Variants in CUX1 observed in about 807,000 individuals in gnomAD.
CUX1 encodes cut like homeobox 1.
A neutral mutation model predicts 158.8 loss-of-function variants in CUX1; 31 were observed. The observed-to-expected ratio is 0.20, with a 90% CI of 0.15 to 0.26. The LOEUF (loss-of-function observed/expected upper bound fraction) is 0.26, where lower values mean the gene tolerates loss of function less well. CUX1 is among the 10% of genes least tolerant of loss of function. CUX1 has a pLI of 1.00. For missense variants in CUX1, 1,589 were observed against 2,014.6 expected (o/e 0.79, Z 4.04); for synonymous variants, 879 against 862.1 (o/e 1.02, Z -0.34).
chr7:101,936,020 G>T (rs1206437537), intron 2 of CUX1, among the ~76,000 whole-genome samples: 1 of 152,204 alleles, frequency 6.6e-6, no homozygotes, highest in Non-Finnish European at 1.5e-5. Context: ...ACGATCTGTT[G>T]TGGACCAGCT....
chr7:102,249,121 C>T lies in CUX1; in HGVS notation c.*79C>T, dbSNP rs1325806350. ...GGTCGGACGGGGCAGGCGCTGCGGA[C>T]ACCGTGGCCTGGGCTTGGCCCGCGG... On this transcript the variant is annotated 3_prime_UTR_variant, in exon 24 of 24. Transcript: ENST00000292535. 3.4e-6 allele frequency: 4 copies of T among 1,178,882 alleles called. No homozygotes were observed. Among genetic ancestry groups the T allele is most frequent in the Non-Finnish European group, 4.2e-6 (4 of 952,592 alleles). 73.0% of individuals were successfully genotyped at this position (1,178,882 alleles called of 1,614,324 possible). A position where few individuals can be genotyped will look rare whatever the true frequency, so the allele number is the denominator to read the frequency against.
intron 7 of CUX1, among the ~76,000 whole-genome samples, chr7:102,114,187 T>C (rs1554491137): frequency 1.3e-5 from 2 of 152,216 alleles, no homozygotes; most frequent in Admixed American, 1.3e-4. Context: ...TTTATGGGGG[T>C]AGAAAATAAA....
At chr7:101,989,108 C>T (rs927098954) in intron 2 of CUX1, among the ~76,000 whole-genome samples, 1 of 152,192 alleles carries the variant, frequency 6.6e-6, no homozygotes, top group Non-Finnish European at 1.5e-5. Context: ...CAAGGCTCGG[C>T]TCAGGGGCCT....
intron 3 of CUX1, among the ~76,000 whole-genome samples, chr7:102,031,927 CT>C (rs140940307): frequency 2.5e-3 from 363 of 143,200 alleles, no homozygotes; most frequent in African/African-American, 5.6e-3. Context: ...ATAATTTGTA[CT>C]TTTTTTTTTT....
chr7:102,272,406 CT>C (rs1791283386), intron 14 of CUX1, among the ~76,000 whole-genome samples: 1 of 152,264 alleles, frequency 6.6e-6, no homozygotes, highest in Non-Finnish European at 1.5e-5. Flanking sequence ...ACAGTGCCCC[CT>C]GGCGGCTGTG....
chr7:102,174,856 A>G (rs945418201), intron 10 of CUX1, among the ~76,000 whole-genome samples: 1 of 152,224 alleles, frequency 6.6e-6, no homozygotes, highest in Non-Finnish European at 1.5e-5. Flanking sequence ...AGGCTGAGAC[A>G]GGAGAATCGC....
intron 2 of CUX1, among the ~76,000 whole-genome samples, chr7:101,972,976 G>A (rs2129196960): frequency 6.6e-6 from 1 of 152,300 alleles, no homozygotes; most frequent in South Asian, 2.1e-4. Flanking sequence ...ACTGACCAGT[G>A]CAGCCAGCCA....
chr7:102,099,474 G>GGT lies in CUX1; in HGVS notation c.406+1974_406+1975dup, dbSNP rs782562878. On this transcript the variant is annotated intron_variant, in intron 5 of 23. Coordinates refer to ENST00000292535, the MANE Select transcript of CUX1 (RefSeq NM_181552.4). Reference sequence around the variant, plus strand: ...ACGCTACCCTAAAGGGGAGTATCCTGGTTTTTTTTTTTTTTCCCCTTCATT... The same window carrying GGT: ...ACGCTACCCTAAAGGGGAGTATCCTGGTGTTTTTTTTTTTTTTCCCCTTCATT... Among the ~76,000 whole-genome samples the GGT allele has an allele frequency of 3.7e-3, 366 of 98,810 alleles. 2 individuals are homozygous for GGT. Among genetic ancestry groups the GGT allele is most frequent in the Non-Finnish European group, 6.8e-3 (321 of 47,168 alleles). 64.8% of individuals were successfully genotyped at this position (98,810 alleles called of 152,430 possible). A position where few individuals can be genotyped will look rare whatever the true frequency, so the allele number is the denominator to read the frequency against.
intron 2 of CUX1, among the ~76,000 whole-genome samples, chr7:101,953,614 G>A (rs1809376863): frequency 6.6e-6 from 1 of 152,184 alleles, no homozygotes; most frequent in Admixed American, 6.5e-5. Flanking sequence ...GAGTAATGAT[G>A]TCTTAAGCTG....
At chr7:101,827,396 C>T (rs1237906160) in intron 1 of CUX1, among the ~76,000 whole-genome samples, 7 of 152,224 alleles carry the variant, frequency 4.6e-5, no homozygotes, top group African/African-American at 1.7e-4. Flanking sequence ...GCCTGGACAT[C>T]CGGGGCTCAA....
intron 8 of CUX1, among the ~76,000 whole-genome samples, chr7:102,147,866 G>A (rs1362490055): frequency 6.6e-6 from 1 of 152,236 alleles, no homozygotes; most frequent in Admixed American, 6.5e-5. Context: ...GGGCATGGTG[G>A]CGCATGCCTG....
chr7:101,877,359 C>T (rs1163016223), intron 1 of CUX1, among the ~76,000 whole-genome samples: 1 of 152,144 alleles, frequency 6.6e-6, no homozygotes, highest in Admixed American at 6.5e-5. Context: ...TCTAGCATGC[C>T]ATGCACACTC....
intron 20 of CUX1, among the ~76,000 whole-genome samples, chr7:102,206,443 A>G (rs1431431439): frequency 1.3e-5 from 2 of 152,208 alleles, no homozygotes; most frequent in Admixed American, 6.5e-5. Context: ...AATAATGGAC[A>G]TAGCTGTTTG....
rs368212822 is a variant in CUX1 at position 102,035,421 on chromosome 7, TATG to T, written c.189+7280_189+7282del. Among the ~76,000 whole-genome samples, 13 of 152,244 alleles carry T rather than the reference TATG, an allele frequency of 8.5e-5. No individual in the cohort carries two copies. In the East Asian group the frequency reaches 2.1e-3, roughly 25 times the overall value. On this transcript the variant is annotated intron_variant, in intron 3 of 23. Coordinates refer to ENST00000292535, the MANE Select transcript of CUX1 (RefSeq NM_181552.4). ...ATATTTAAAGTAGGCTAAGCTAAGC[TATG>T]ATGTTTGCCAGGTTAGTTTATTAAA...
At chr7:102,230,567 G>A (rs1798852135) in intron 21 of CUX1, among the ~76,000 whole-genome samples, 1 of 151,904 alleles carries the variant, frequency 6.6e-6, no homozygotes, top group Non-Finnish European at 1.5e-5. Context: ...CAGCCTGGAG[G>A]TTAGGCCAGC....
upstream of CUX1, chr7:101,817,519 A>T: frequency 1.7e-6 from 2 of 1,177,190 alleles, no homozygotes; most frequent in Non-Finnish European, 2.1e-6. This position sits in a 1 kb window ranked among gnomAD's most constrained non-coding sequence, Gnocchi z 4.1. Flanking sequence ...CGCCGTGCCC[A>T]AGGGGCGAGT....
chr7:102,145,763 A>C (rs1227887241), intron 8 of CUX1, among the ~76,000 whole-genome samples: 2 of 152,070 alleles, frequency 1.3e-5, no homozygotes, highest in Non-Finnish European at 2.9e-5. Flanking sequence ...CCTGACCAAC[A>C]TGGTGAAACC....
chr7:102,026,195 G>T (rs562094411), intron 2 of CUX1, among the ~76,000 whole-genome samples: 1 of 152,114 alleles, frequency 6.6e-6, no homozygotes, highest in East Asian at 1.9e-4. Flanking sequence ...ACAAAAGCTT[G>T]CTGTACAGGC....
chr7:101,998,187 C>T (rs1461364530), intron 2 of CUX1, among the ~76,000 whole-genome samples: 1 of 151,896 alleles, frequency 6.6e-6, no homozygotes, highest in Non-Finnish European at 1.5e-5. Flanking sequence ...CTGCAGGCTC[C>T]CATTTACCAG....
Sources: allele counts gnomAD v4.1 joint callset (sites outside exome capture counted in the v4.1 genomes callset), GRCh38; gene constraint gnomAD v4.1.1; non-coding constraint Gnocchi (gnomAD v3.1); transcripts MANE v1.5; gene names NCBI Gene and HGNC (gene_info 2026-07-23, HGNC 2026-07-21).